DCBLD1: variants seen among roughly 807,000 people sequenced by gnomAD.
DCBLD1 encodes discoidin, CUB and LCCL domain containing 1, also known as discoidin, CUB and LCCL domain-containing protein 1.
DCBLD1 carries 57 observed loss-of-function variants against 71.5 expected under a neutral mutation model. The ratio of observed to expected loss-of-function variants is 0.80; its 90% confidence interval spans 0.64 to 0.99. The LOEUF (loss-of-function observed/expected upper bound fraction) is 0.99. Among genes scored for constraint, DCBLD1 ranks in the 50% least tolerant of loss-of-function variants. The pLI is 0.00. For synonymous variants in DCBLD1, 380 were observed against 363.8 expected (o/e 1.04, Z -0.51); for missense variants, 891 against 923.5 (o/e 0.96, Z 0.46).
At chr6:117,558,508 C>G (rs1406402857) in intron 14 of DCBLD1, among the ~76,000 whole-genome samples, 1 of 152,096 alleles carries the variant, frequency 6.6e-6, no homozygotes, top group African/African-American at 2.4e-5. Context: ...AAACTCTCCC[C>G]AAGTTGAGTG....
chr6:117,531,147 T>A (rs969352081), intron 5 of DCBLD1, among the ~76,000 whole-genome samples: 2 of 152,234 alleles, frequency 1.3e-5, no homozygotes, highest in Non-Finnish European at 2.9e-5. Context: ...CCTTATACTG[T>A]TGTAACTTAA....
At chr6:117,562,741 AT>A in intron 14 of DCBLD1, 2 of 207,410 alleles carry the variant, frequency 9.6e-6, no homozygotes, top group Non-Finnish European at 9.8e-6. Context: ...TGCACAATAA[AT>A]TTTTTTAAGT....
chr6:117,512,467 CT>C (rs1360015407), intron 2 of DCBLD1, among the ~76,000 whole-genome samples: 1 of 152,148 alleles, frequency 6.6e-6, no homozygotes, highest in Non-Finnish European at 1.5e-5. Context: ...TACAATGACC[CT>C]ACTGCAATTA....
In DCBLD1 at chr6:117,548,295, C is replaced by A; in HGVS notation, c.2004C>A (p.Pro668=). The A allele has an allele frequency of 6.4e-7, 1 of 1,550,674 alleles. No individual in the cohort carries two copies. The highest frequency in any genetic ancestry group is 8.7e-7 in the Non-Finnish European group (1 of 1,146,996). The stretch of plus-strand genomic sequence containing the variant: ...CTGCGGACAGGGGCTACGACCGGCC[C>A]AAAGCTGTCAGCGCCCTCGCCACCG... ...AQPADRGYDR[P]KAVSALATES... is the part of the protein sequence containing the mutation. The change falls in exon 15 of 15, where the codon CCC becomes CCA. Residue 668 remains proline, a synonymous_variant. Transcript: ENST00000338728.
downstream of DCBLD1, among the ~76,000 whole-genome samples, chr6:117,553,286 T>C (rs1779454694): frequency 6.6e-6 from 1 of 152,214 alleles, no homozygotes. Flanking sequence ...AAATCAGAAC[T>C]AACTTCCTGC....
chr6:117,539,227 T>C (rs764644751), intron 8 of DCBLD1, 28 bp from the exon 9 acceptor site: 3 of 1,501,302 alleles, frequency 2.0e-6, no homozygotes, highest in Non-Finnish European at 1.8e-6. Flanking sequence ...CTTTTAAAAA[T>C]AGCCTGTAAA....
chr6:117,484,302 T>G (rs1327054039), intron 1 of DCBLD1, among the ~76,000 whole-genome samples: 1 of 152,180 alleles, frequency 6.6e-6, no homozygotes, highest in Non-Finnish European at 1.5e-5. Context: ...TGAGAGCGGT[T>G]CTCTAGGAAC....
chr6:117,508,898 C>T (rs1777922903), intron 2 of DCBLD1, among the ~76,000 whole-genome samples: 1 of 152,128 alleles, frequency 6.6e-6, no homozygotes, highest in Admixed American at 6.6e-5. Context: ...TAGACGTTAC[C>T]ACCTGGATCA....
chr6:117,544,685 A>C (rs781179665), intron 13 of DCBLD1, 108 bp downstream of exon 13: 198 of 1,211,194 alleles, frequency 1.6e-4, no homozygotes, highest in Non-Finnish European at 2.3e-4. Context: ...TGGTTAAAAG[A>C]CATAAGCCCT....
At chr6:117,559,227 G>A (rs1779538234) in intron 14 of DCBLD1, among the ~76,000 whole-genome samples, 1 of 152,222 alleles carries the variant, frequency 6.6e-6, no homozygotes, top group African/African-American at 2.4e-5. Context: ...GGGATCTGCT[G>A]TGCAACAGAT....
intron 14 of DCBLD1, among the ~76,000 whole-genome samples, chr6:117,565,346 C>T (rs899242330): frequency 2.6e-5 from 4 of 152,156 alleles, no homozygotes; most frequent in Non-Finnish European, 5.9e-5. Context: ...AGTATTTTAA[C>T]AGCCTTTTCA....
At chr6:117,521,793 C>A (rs1778395563) in intron 4 of DCBLD1, among the ~76,000 whole-genome samples, 1 of 152,244 alleles carries the variant, frequency 6.6e-6, no homozygotes, top group Non-Finnish European at 1.5e-5. Context: ...CCAGGCCATA[C>A]AATCTCTGTT....
At position 117,548,029 on chromosome 6, in the gene DCBLD1, T is replaced by A. The variant is rs1336725025; in HGVS notation, c.1738T>A (p.Cys580Ser). ...CACCGATGCCGGCGGCCACTATGAC[T>A]GCCCGCAGCGGGCCGGCCGCCACGA... Reference protein sequence around the residue: ...VSTDAGGHYDCPQRAGRHEYA... With the variant: ...VSTDAGGHYDSPQRAGRHEYA... The change falls in exon 15 of 15, where the codon TGC (cysteine) becomes AGC (serine). Residue 580 changes from cysteine (C) to serine (S), a missense_variant. Transcript: ENST00000338728. 1 of 1,549,584 alleles carries A rather than the reference T, an allele frequency of 6.5e-7. No homozygotes were observed. Among genetic ancestry groups the A allele is most frequent in the Non-Finnish European group, 8.7e-7 (1 of 1,146,510 alleles).
chr6:117,563,408 GCAGACA>G (rs766401472), intron 14 of DCBLD1: 35 of 1,609,620 alleles, frequency 2.2e-5, no homozygotes, highest in Non-Finnish European at 3.0e-5. Context: ...GAAAAAAAAA[GCAGACA>G]CTTTCTGGTT....
chr6:117,507,129 T>A (rs1777870116), intron 2 of DCBLD1, among the ~76,000 whole-genome samples: 1 of 152,272 alleles, frequency 6.6e-6, no homozygotes, highest in Non-Finnish European at 1.5e-5. Context: ...ACTTGGAATG[T>A]GATTACATTA....
At position 117,505,153 on chromosome 6, in the gene DCBLD1, C is replaced by T. The variant is rs140849706; in HGVS notation, c.325+1174C>T. On this transcript the variant is annotated intron_variant, in intron 2 of 14. Coordinates refer to ENST00000338728, the MANE Select transcript of DCBLD1 (RefSeq NM_001366458.2). ...CTATTTAATGATGGTTGAGTTCCTCCGACAAAGTCAAGATGGTAGTTTCCA... is the reference window on the plus strand; with the variant it reads ...CTATTTAATGATGGTTGAGTTCCTCTGACAAAGTCAAGATGGTAGTTTCCA... Among the ~76,000 whole-genome samples, 89 of 152,212 alleles carry T rather than the reference C, an allele frequency of 5.8e-4. 1 individual carries two copies. In the East Asian group the frequency reaches 6.8e-3, roughly 12 times the overall value.
chr6:117,566,631 A>G (rs183730607), intron 14 of DCBLD1, among the ~76,000 whole-genome samples: 2 of 152,168 alleles, frequency 1.3e-5, no homozygotes, highest in Non-Finnish European at 1.5e-5. Flanking sequence ...CAGTAGAGTA[A>G]CTGGTAATGT....
chr6:117,525,073 GA>G (rs767020395), intron 4 of DCBLD1, among the ~76,000 whole-genome samples: 1 of 152,058 alleles, frequency 6.6e-6, no homozygotes, highest in Non-Finnish European at 1.5e-5. Context: ...TCCTGTTTCT[GA>G]AAAATATTTA....
intron 14 of DCBLD1, among the ~76,000 whole-genome samples, chr6:117,558,069 C>G: frequency 6.6e-6 from 1 of 152,178 alleles, no homozygotes; most frequent in Non-Finnish European, 1.5e-5. Flanking sequence ...ACCAACAGTC[C>G]AGTAGAGATT....
Sources: gnomAD v4.1 joint callset for allele counts (sites outside exome capture counted in the v4.1 genomes callset) on GRCh38, gnomAD v4.1.1 for gene constraint, MANE v1.5 for transcripts, NCBI Gene and HGNC (gene_info 2026-07-23, HGNC 2026-07-21) for gene names.